Variants in DPYD observed in about 807,000 individuals in gnomAD.
DPYD encodes the protein dihydropyrimidine dehydrogenase [NADP(+)].
Under a neutral mutation model 116.2 loss-of-function variants are expected in DPYD, and 109 were observed. The observed-to-expected ratio is 0.94, with a 90% CI of 0.80 to 1.10. DPYD has a LOEUF of 1.10. DPYD is among the 50% of genes least tolerant of loss of function. DPYD has a pLI of 0.00. For synonymous variants in DPYD, 440 were observed against 432.0 expected, an observed-to-expected ratio of 1.02 and a Z score of -0.23; for missense variants, 1,302 against 1,254.5, an observed-to-expected ratio of 1.04 and a Z score of -0.57.
At chr1:97,666,160 C>A (rs541013064) in intron 8 of DPYD, among the ~76,000 whole-genome samples, 1 of 152,188 alleles carries the variant, frequency 6.6e-6, no homozygotes, top group African/African-American at 2.4e-5. Flanking sequence ...TTTATTCCTT[C>A]TGTGATTTAT....
chr1:97,579,781 A>G (rs1037134960), intron 10 of DPYD, among the ~76,000 whole-genome samples: 21 of 152,178 alleles, frequency 1.4e-4, no homozygotes, highest in African/African-American at 4.3e-4. Context: ...CTCTTTTCCT[A>G]GTCTCCACCA....
At chr1:97,692,464 G>A (rs1315249979) in intron 6 of DPYD, among the ~76,000 whole-genome samples, 1 of 152,010 alleles carries the variant, frequency 6.6e-6, no homozygotes, top group East Asian at 1.9e-4. Context: ...TATTTGAGTA[G>A]TATAATAGAG....
At chr1:97,502,782 T>C (rs1450476785) in intron 13 of DPYD, among the ~76,000 whole-genome samples, 1 of 152,048 alleles carries the variant, frequency 6.6e-6, no homozygotes, top group Non-Finnish European at 1.5e-5. Flanking sequence ...CAGATTATGG[T>C]AATAAGAATT....
At chr1:97,086,897 T>C (rs1037060902) in intron 21 of DPYD, among the ~76,000 whole-genome samples, 1 of 152,206 alleles carries the variant, frequency 6.6e-6, no homozygotes, top group Admixed American at 6.5e-5. Context: ...CCAAAAACAT[T>C]CAATATTTAA....
chr1:97,736,239 G>C (rs960661807), intron 4 of DPYD, among the ~76,000 whole-genome samples: 2 of 151,834 alleles, frequency 1.3e-5, no homozygotes, highest in African/African-American at 2.4e-5. Context: ...TTTTTCAATA[G>C]TAGCATTGTA....
chr1:97,662,701 C>A (rs1252931107), intron 8 of DPYD, among the ~76,000 whole-genome samples: 1 of 151,850 alleles, frequency 6.6e-6, no homozygotes, highest in Non-Finnish European at 1.5e-5. Context: ...CCTTTTTTTG[C>A]CCTATTATCA....
intron 10 of DPYD, among the ~76,000 whole-genome samples, chr1:97,576,611 T>C (rs1329866219): frequency 6.6e-6 from 1 of 152,258 alleles, no homozygotes; most frequent in Non-Finnish European, 1.5e-5. Flanking sequence ...GTTTTAGTAA[T>C]GTTTAGTAAT....
chr1:97,738,691 G>GTT (rs72344193), intron 4 of DPYD, among the ~76,000 whole-genome samples: 34 of 141,414 alleles, frequency 2.4e-4, no homozygotes, highest in African/African-American at 7.7e-4. Context: ...AATTAGGAGA[G>GTT]TTTTTTTTTT....
intron 14 of DPYD, among the ~76,000 whole-genome samples, chr1:97,419,276 A>G (rs1674449742): frequency 6.6e-6 from 1 of 152,226 alleles, no homozygotes; most frequent in African/African-American, 2.4e-5. Context: ...TATGCAATAT[A>G]TGCCCTACTC....
chr1:97,691,862 T>A, intron 6 of DPYD, 64 bp from the exon 7 acceptor site: 1 of 1,270,564 alleles, frequency 7.9e-7, no homozygotes, highest in Non-Finnish European at 1.1e-6. Flanking sequence ...TGACCAATCT[T>A]AAAAAAAGGT....
intron 3 of DPYD, among the ~76,000 whole-genome samples, chr1:97,769,268 G>A (rs1191714364): frequency 6.6e-6 from 1 of 152,018 alleles, no homozygotes; most frequent in Non-Finnish European, 1.5e-5. Context: ...ACAAGAACTG[G>A]ATACAATTAT....
In DPYD at chr1:97,413,590, A is replaced by T. The variant is rs570272598; in HGVS notation, c.1906-31129T>A. On this transcript the variant is annotated intron_variant, in intron 14 of 22. Transcript: ENST00000370192. ...GGGATCCTCCCACTTCAGCCTCCCA[A>T]GTAGCTGGGACTACGGACACTACAG... Among the ~76,000 whole-genome samples, 6 of 152,160 alleles carry T rather than the reference A, an allele frequency of 3.9e-5. No individual in the cohort carries two copies. The South Asian group carries it at 1.2e-3, about 32-fold the overall frequency.
chr1:97,344,683 T>C (rs147510584), intron 16 of DPYD, among the ~76,000 whole-genome samples: 3 of 151,884 alleles, frequency 2.0e-5, no homozygotes, highest in African/African-American at 4.8e-5. Flanking sequence ...TATCTCACTG[T>C]TTTTTATAGT....
At chr1:97,206,878 T>C (rs1245943409) in intron 19 of DPYD, among the ~76,000 whole-genome samples, 1 of 151,254 alleles carries the variant, frequency 6.6e-6, no homozygotes, top group Admixed American at 6.6e-5. Flanking sequence ...CATAGACACA[T>C]ATATACACAT....
At chr1:97,630,413 T>C (rs1657186670) in intron 8 of DPYD, among the ~76,000 whole-genome samples, 3 of 152,108 alleles carry the variant, frequency 2.0e-5, no homozygotes, top group Non-Finnish European at 4.4e-5. Context: ...ATGCCTTCTC[T>C]CTAATGCTGT....
At position 97,451,560 on chromosome 1, in the gene DPYD, A is replaced by C. The variant is rs563462026; in HGVS notation, c.1741-1337T>G. Among the ~76,000 whole-genome samples, 72 of 152,260 alleles carry C rather than the reference A, an allele frequency of 4.7e-4. 1 individual carries two copies. The highest frequency in any genetic ancestry group is 1.6e-3 in the African/African-American group (68 of 41,546). On this transcript the variant is annotated intron_variant, in intron 13 of 22. Transcript: ENST00000370192. ...CATTTCTATTGTAATTGTGTGCAACATCACCAGCCTTGCTTTGATTTGCTA... is the reference window on the plus strand; with the variant it reads ...CATTTCTATTGTAATTGTGTGCAACCTCACCAGCCTTGCTTTGATTTGCTA...
chr1:97,824,512 A>G (rs550723627), intron 3 of DPYD, among the ~76,000 whole-genome samples: 1 of 152,318 alleles, frequency 6.6e-6, no homozygotes, highest in Admixed American at 6.5e-5. Context: ...TCGGTTCTTC[A>G]GTTACACTCA....
intron 16 of DPYD, among the ~76,000 whole-genome samples, chr1:97,365,485 A>G (rs905721934): frequency 2.6e-5 from 4 of 152,222 alleles, no homozygotes; most frequent in African/African-American, 4.8e-5. Flanking sequence ...TATAGTCAAC[A>G]AATACATAGA....
At chr1:97,598,279 C>T (rs1023240135) in intron 8 of DPYD, among the ~76,000 whole-genome samples, 1 of 152,106 alleles carries the variant, frequency 6.6e-6, no homozygotes, top group Admixed American at 6.5e-5. Flanking sequence ...CAAAGGAAGA[C>T]TTCTCTGAGA....
Sources: gnomAD v4.1 joint callset for allele counts (sites outside exome capture counted in the v4.1 genomes callset) on GRCh38, gnomAD v4.1.1 for gene constraint, MANE v1.5 for transcripts, NCBI Gene and HGNC (gene_info 2026-07-23, HGNC 2026-07-21) for gene names.